WDR48: variants seen among roughly 807,000 people sequenced by gnomAD.
WDR48 encodes the protein WD repeat domain 48.
Under a neutral mutation model 94.0 loss-of-function variants are expected in WDR48, and 22 were observed. The observed-to-expected ratio is 0.23, with a 90% CI of 0.17 to 0.33. WDR48 has a LOEUF of 0.33. Ranked by LOEUF, WDR48 falls within the 10% of genes least tolerant of loss-of-function variation. The pLI, the probability that WDR48 is intolerant of heterozygous loss-of-function variation, is 1.00. For synonymous variants in WDR48, 278 were observed against 280.5 expected (o/e 0.99, Z 0.09); for missense variants, 541 against 813.8 (o/e 0.66, Z 4.08).
Position 39,070,214 on chromosome 3 carries a change from A to G in WDR48, c.672+470A>G, listed in dbSNP as rs142282962. ...AAGAAAAACATTTTGGTAATGTTAT[A>G]CATTAGCTCTGTTGGCCACGTAATT... On this transcript the variant is annotated intron_variant, in intron 7 of 18. Transcript: ENST00000302313. Among the ~76,000 whole-genome samples, 628 of 152,370 alleles carry G rather than the reference A, an allele frequency of 4.1e-3. 9 individuals are homozygous for G. The highest frequency in any genetic ancestry group is 0.014 in the African/African-American group (594 of 41,586).
chr3:39,093,281 C>T (rs1400492351), intron 17 of WDR48, among the ~76,000 whole-genome samples: 1 of 152,126 alleles, frequency 6.6e-6, no homozygotes, highest in Admixed American at 6.5e-5. Flanking sequence ...GCCTGCCTTT[C>T]CAGAATTATT....
In WDR48 at chr3:39,074,916, T is replaced by C; in HGVS notation, c.863T>C (p.Val288Ala). Reference protein sequence around the residue: ...CTDLRNPDIRVLICEEKAPVL... With the variant: ...CTDLRNPDIRALICEEKAPVL... ...GACCTAAGAAACCCTGACATTCGGG[T>C]GCTAATTTGTGAAGAAAAAGCACCA... is the stretch of plus-strand genomic sequence containing the variant. The change falls in exon 8 of 19, where the codon GTG becomes GCG. Residue 288 changes from valine (V) to alanine (A), a missense_variant. Val to Ala is a moderately conservative substitution (Grantham distance 64). Around this residue, in one of 5 missense-constraint regions of WDR48, gnomAD observed 238 missense variants for 285.3 expected, o/e 0.83. Coordinates refer to ENST00000302313, the MANE Select transcript of WDR48 (RefSeq NM_020839.4). 1 of 1,614,140 alleles carries C rather than the reference T, an allele frequency of 6.2e-7. No homozygotes were observed.
chr3:39,061,133 G>A (rs2033234952), intron 1 of WDR48, among the ~76,000 whole-genome samples: 1 of 151,982 alleles, frequency 6.6e-6, no homozygotes, highest in Admixed American at 6.6e-5. Flanking sequence ...AAGTTCTAGG[G>A]TACATGTGCA....
chr3:39,059,327 G>GA (rs918487533), intron 1 of WDR48, among the ~76,000 whole-genome samples: 1 of 152,188 alleles, frequency 6.6e-6, no homozygotes, highest in African/African-American at 2.4e-5. Flanking sequence ...ACTGGGATGG[G>GA]AAAGAGCTTG....
chr3:39,070,042 C>G lies in WDR48; in HGVS notation c.672+298C>G, dbSNP rs111308607. 3.6e-3 allele frequency among the ~76,000 whole-genome samples: 546 copies of G among 152,288 alleles called. 9 individuals are homozygous for G. Among genetic ancestry groups the G allele is most frequent in the African/African-American group, 0.013 (523 of 41,552 alleles). On this transcript the variant is annotated intron_variant, in intron 7 of 18. Transcript: ENST00000302313. ...ATTACCTGTGTAAAGCAAAAGGAAG[C>G]TTTGATATCAAATGCTTTTTGCCAG...
intron 11 of WDR48, among the ~76,000 whole-genome samples, chr3:39,080,412 G>A (rs2034460975): frequency 1.3e-5 from 2 of 152,244 alleles, no homozygotes; most frequent in Admixed American, 6.5e-5. Flanking sequence ...CAGTTGAAAT[G>A]CATGAAGCTA....
In WDR48 at chr3:39,077,144, G is replaced by A. The variant is rs1257079968; in HGVS notation, c.903G>A (p.Glu301=). 1 of 1,614,158 alleles carries A rather than the reference G, an allele frequency of 6.2e-7. No individual in the cohort carries two copies. The highest frequency in any genetic ancestry group is 1.7e-5 in the Admixed American group (1 of 60,014). Residue 301 remains glutamate (E), a synonymous_variant, in exon 9 of 19, where the codon GAG becomes GAA. Coordinates refer to ENST00000302313, the MANE Select transcript of WDR48 (RefSeq NM_020839.4). ...CEEKAPVLKM[E]LDRSADPPPA... ...TTTTTGTGCTTTGTTTTCAGATGGAGCTTGATAGATCAGCTGATCCTCCTC... is the reference window on the plus strand; with the variant it reads ...TTTTTGTGCTTTGTTTTCAGATGGAACTTGATAGATCAGCTGATCCTCCTC...
At chr3:39,068,514 TATC>T (rs1205527689) in intron 5 of WDR48, among the ~76,000 whole-genome samples, 2 of 152,256 alleles carry the variant, frequency 1.3e-5, no homozygotes, top group African/African-American at 2.4e-5. Context: ...GCTTTAAACA[TATC>T]ATTTAAGCGG....
chr3:39,090,292 A>G (rs940665516), intron 16 of WDR48: 1 of 152,076 alleles, frequency 6.6e-6, no homozygotes, highest in African/African-American at 2.4e-5. Context: ...TGTATTCTTT[A>G]CCCATTTTTC....
At chr3:39,085,734 T>A in intron 14 of WDR48, 124 bp downstream of exon 14, 1 of 759,776 alleles carries the variant, frequency 1.3e-6, no homozygotes, top group Non-Finnish European at 2.1e-6. Flanking sequence ...TTTATTGTCC[T>A]CTCTTCCATA....
At chr3:39,069,584 G>T in intron 6 of WDR48, 59 bp from the exon 7 acceptor site, 1 of 1,396,244 alleles carries the variant, frequency 7.2e-7, no homozygotes, top group South Asian at 1.2e-5. Context: ...AGAGTTGTCT[G>T]TTATTTAAAT....
intron 14 of WDR48, chr3:39,087,761 T>C (rs1349889995): frequency 6.3e-6 from 1 of 159,242 alleles, no homozygotes; most frequent in African/African-American, 2.4e-5. Flanking sequence ...AAGAAATTTT[T>C]CTGAGCTTGG....
chr3:39,088,327 G>C, intron 15 of WDR48, 94 bp downstream of exon 15: 1 of 1,221,244 alleles, frequency 8.2e-7, no homozygotes, highest in Non-Finnish European at 1.2e-6. Context: ...ATTAGAAATA[G>C]TTTATTATTA....
intron 10 of WDR48, among the ~76,000 whole-genome samples, chr3:39,078,834 T>G (rs919589567): frequency 6.6e-6 from 1 of 151,430 alleles, no homozygotes; most frequent in African/African-American, 2.4e-5. Flanking sequence ...ATCGAGACCA[T>G]CCCGGCTAAA....
rs1213540718 is a variant in WDR48, at chr3:39,091,674, C to T, written c.1718C>T (p.Ala573Val). Residue 573 changes from alanine (A) to valine (V), a missense_variant, in exon 17 of 19, where the codon GCA becomes GTA. This residue lies in a region of WDR48 where 109 missense variants were observed against 195.5 expected (regional missense o/e 0.56). Coordinates refer to ENST00000302313, the MANE Select transcript of WDR48 (RefSeq NM_020839.4). The stretch of plus-strand genomic sequence containing the variant: ...ATTCCTTTCTACCTCCAACCTCATG[C>T]ATCTTCAGGAGCAAAAACCTTAAAA... The part of the protein sequence containing the change: ...NKIPFYLQPH[A>V]SSGAKTLKKD... 2 of 1,607,230 alleles carry T rather than the reference C, an allele frequency of 1.2e-6. No individual in the cohort carries two copies. The highest frequency in any genetic ancestry group is 1.7e-6 in the Non-Finnish European group (2 of 1,177,928).
At chr3:39,080,331 T>C (rs1161634293) in intron 11 of WDR48, among the ~76,000 whole-genome samples, 1 of 152,242 alleles carries the variant, frequency 6.6e-6, no homozygotes, top group Admixed American at 6.5e-5. Context: ...TGGCTGTTTC[T>C]TAGGATTTAT....
chr3:39,069,114 G>A (rs954873575), intron 6 of WDR48, among the ~76,000 whole-genome samples: 1 of 151,932 alleles, frequency 6.6e-6, no homozygotes, highest in African/African-American at 2.4e-5. Flanking sequence ...ACACCATCAC[G>A]TGCATCAGGC....
chr3:39,093,879 G>T lies in WDR48; in HGVS notation c.1751G>T (p.Arg584Ile). The T allele has an allele frequency of 6.3e-7, 1 of 1,596,780 alleles. No individual in the cohort carries two copies. The highest frequency in any genetic ancestry group is 1.1e-5 in the South Asian group (1 of 87,500). The change falls in exon 18 of 19, where the codon AGA (arginine) becomes ATA (isoleucine). Residue 584 changes from arginine to isoleucine, a missense_variant. Arg to Ile is a moderately conservative substitution (Grantham distance 97). Transcript: ENST00000302313. ...SSGAKTLKKD[R>I]LSASDMLQVR... is the part of the protein sequence containing the mutation. ...ATGCCATTGCTTTTTTACAGAGATAGACTCTCTGCTAGTGACATGCTCCAA... is the reference window on the plus strand; with the variant it reads ...ATGCCATTGCTTTTTTACAGAGATATACTCTCTGCTAGTGACATGCTCCAA...
Position 39,068,756 on chromosome 3 carries a change from G to T in WDR48, c.482-15G>T, listed in dbSNP as rs369515300. 2 of 1,591,940 alleles carry T rather than the reference G, an allele frequency of 1.3e-6. No homozygotes were observed. The highest frequency in any genetic ancestry group is 1.3e-5 in the African/African-American group (1 of 74,438). ...GATGATCTTGTTAACATTTAGCTCCGTTTATCCTCAATAGCTTCTTCTTTA... is the reference window on the plus strand; with the variant it reads ...GATGATCTTGTTAACATTTAGCTCCTTTTATCCTCAATAGCTTCTTCTTTA... On this transcript the variant is annotated splice_polypyrimidine_tract_variant and intron_variant, in intron 5 of 18. Coordinates refer to ENST00000302313, the MANE Select transcript of WDR48 (RefSeq NM_020839.4).
Sources: gnomAD v4.1 joint callset for allele counts (sites outside exome capture counted in the v4.1 genomes callset) on GRCh38, gnomAD v4.1.1 for gene constraint, gnomAD v4.1.1 regional missense constraint, MANE v1.5 for transcripts, NCBI Gene and HGNC (gene_info 2026-07-23, HGNC 2026-07-21) for gene names.